The following SPOCK3 variants were observed in gnomAD, a reference collection of about 807,000 sequenced individuals.
SPOCK3 encodes the protein SPARC (osteonectin), cwcv and kazal like domains proteoglycan 3, also known as testican-3.
SPOCK3 carries 30 observed loss-of-function variants against 56.6 expected under a neutral mutation model. The observed-to-expected ratio is 0.53, with a 90% CI of 0.40 to 0.72. SPOCK3 has a LOEUF of 0.72. SPOCK3 is among the 30% of genes least tolerant of loss of function. The pLI is 0.00. For synonymous variants in SPOCK3, 196 were observed against 183.3 expected, an observed-to-expected ratio of 1.07 and a Z score of -0.56; for missense variants, 527 against 530.0, an observed-to-expected ratio of 0.99 and a Z score of 0.06.
At chr4:166,868,459 C>A (rs1732104372) in intron 6 of SPOCK3, among the ~76,000 whole-genome samples, 1 of 152,078 alleles carries the variant, frequency 6.6e-6, no homozygotes, top group East Asian at 1.9e-4. Flanking sequence ...CAGTATGACC[C>A]TGTCTCTAAA....
At chr4:166,858,654 C>G (rs1013287283) in intron 6 of SPOCK3, among the ~76,000 whole-genome samples, 2 of 151,986 alleles carry the variant, frequency 1.3e-5, no homozygotes, top group African/African-American at 4.8e-5. Context: ...AAAATGTGAT[C>G]ATACATGTGG....
rs956424843 is a variant in SPOCK3, at chr4:166,748,216, T to C, written c.932-6157A>G. Among the ~76,000 whole-genome samples the C allele has an allele frequency of 1.4e-4, 19 of 136,906 alleles. 2 individuals are homozygous for C. The East Asian group carries it at 2.7e-3, about 20-fold the overall frequency. 89.8% of individuals were successfully genotyped at this position (136,906 alleles called of 152,430 possible). A position where few individuals can be genotyped will look rare whatever the true frequency, so the allele number is the denominator to read the frequency against. ...CAAAAGAACAAAGCTGGAGGCATCA[T>C]GCTACCTGACTTCAAACTATACTAC... On this transcript the variant is annotated intron_variant, in intron 8 of 10. Transcript: ENST00000357545.
intron 5 of SPOCK3, among the ~76,000 whole-genome samples, chr4:166,910,144 C>A (rs922622924): frequency 6.6e-6 from 1 of 152,096 alleles, no homozygotes; most frequent in Non-Finnish European, 1.5e-5. Context: ...AGCTCAGTCT[C>A]ATTGCTGTCA....
intron 10 of SPOCK3, among the ~76,000 whole-genome samples, chr4:166,736,731 C>T (rs1734254619): frequency 6.6e-6 from 1 of 151,168 alleles, no homozygotes; most frequent in South Asian, 2.1e-4. Flanking sequence ...GTGTGTGTGT[C>T]TACAATGAGG....
At chr4:167,124,393 C>G (rs962867077) in intron 2 of SPOCK3, among the ~76,000 whole-genome samples, 2 of 152,126 alleles carry the variant, frequency 1.3e-5, no homozygotes, top group African/African-American at 2.4e-5. Context: ...ATGTCTAAAA[C>G]CCCTCTTATT....
At chr4:167,057,349 C>T (rs1673399725) in intron 3 of SPOCK3, among the ~76,000 whole-genome samples, 1 of 152,126 alleles carries the variant, frequency 6.6e-6, no homozygotes, top group Admixed American at 6.5e-5. Context: ...ATTGTAAAGA[C>T]CATCGAGGCT....
rs577518769 is a variant in SPOCK3, at chr4:166,851,380, G to A, written c.589+37750C>T. On this transcript the variant is annotated intron_variant, in intron 6 of 10. Coordinates refer to ENST00000357545, the MANE Select transcript of SPOCK3 (RefSeq NM_001040159.2). ...ACAAAGATGGGGAAAAGATAGAGCA[G>A]AAAAACTGGAAACTCTAAAAAGCAG... Among the ~76,000 whole-genome samples, 468 of 152,302 alleles carry A rather than the reference G, an allele frequency of 3.1e-3. 3 individuals are homozygous for A. Among genetic ancestry groups the A allele is most frequent in the African/African-American group, 0.011 (446 of 41,576 alleles).
At chr4:166,914,490 G>A (rs1031808992) in intron 4 of SPOCK3, among the ~76,000 whole-genome samples, 17 of 152,198 alleles carry the variant, frequency 1.1e-4, no homozygotes, top group Admixed American at 7.9e-4. Context: ...TGAAGATTTG[G>A]CTGGGCACGT....
intron 6 of SPOCK3, among the ~76,000 whole-genome samples, chr4:166,846,397 T>C (rs1411436369): frequency 6.6e-6 from 1 of 152,118 alleles, no homozygotes; most frequent in Admixed American, 6.5e-5. Flanking sequence ...ATTTTAGATA[T>C]TGTAGATTAA....
At chr4:167,060,271 T>C (rs1260095348) in intron 3 of SPOCK3, among the ~76,000 whole-genome samples, 4 of 149,698 alleles carry the variant, frequency 2.7e-5, no homozygotes, top group Admixed American at 1.3e-4. Flanking sequence ...GTCATTATGT[T>C]AAGTAAAATA....
At chr4:167,093,518 C>T (rs958930155) in intron 2 of SPOCK3, among the ~76,000 whole-genome samples, 4 of 152,108 alleles carry the variant, frequency 2.6e-5, no homozygotes, top group Non-Finnish European at 4.4e-5. Context: ...GTTCAACTCC[C>T]ACTTATGAGT....
chr4:167,154,960 C>G (rs1580455937), intron 2 of SPOCK3, among the ~76,000 whole-genome samples: 1 of 152,072 alleles, frequency 6.6e-6, no homozygotes, highest in East Asian at 1.9e-4. Flanking sequence ...AAACAGTATT[C>G]AATTATCCTA....
chr4:166,792,384 C>T lies in SPOCK3; in HGVS notation c.590-95G>A, dbSNP rs78699746. 1.9e-3 allele frequency: 2,592 copies of T among 1,339,088 alleles called. 50 individuals are homozygous for T. The East Asian group carries it at 0.034, about 18-fold the overall frequency. 83.0% of individuals were successfully genotyped at this position (1,339,088 alleles called of 1,614,324 possible). On this transcript the variant is annotated intron_variant, in intron 6 of 10. Transcript: ENST00000357545. Reference sequence around the variant, plus strand: ...AGTCCAATAAACTGAAAGGTAAGAACGACTAAAAGAAAAAGGTGTGACTGC... The same window carrying T: ...AGTCCAATAAACTGAAAGGTAAGAATGACTAAAAGAAAAAGGTGTGACTGC...
At chr4:166,794,391 A>G (rs919139881) in intron 6 of SPOCK3, among the ~76,000 whole-genome samples, 2 of 152,000 alleles carry the variant, frequency 1.3e-5, no homozygotes, top group Non-Finnish European at 2.9e-5. Flanking sequence ...TACTTGTGTA[A>G]GCGTCACATA....
At chr4:166,746,951 G>A (rs1022201522) in intron 8 of SPOCK3, among the ~76,000 whole-genome samples, 3 of 152,110 alleles carry the variant, frequency 2.0e-5, no homozygotes, top group Non-Finnish European at 4.4e-5. Context: ...TTGAATCCCT[G>A]AATAGACCAA....
intron 2 of SPOCK3, among the ~76,000 whole-genome samples, chr4:167,101,447 C>T (rs1170629124): frequency 6.6e-6 from 1 of 152,056 alleles, no homozygotes; most frequent in Non-Finnish European, 1.5e-5. Flanking sequence ...ACTTTCAGTC[C>T]TGGCCTCTCA....
At chr4:167,000,499 T>C (rs1247425596) in intron 3 of SPOCK3, 36 bp from the exon 4 acceptor site, 3 of 1,047,826 alleles carry the variant, frequency 2.9e-6, no homozygotes, top group East Asian at 4.9e-5. Flanking sequence ...AAAATAAGCT[T>C]CTGTAAAATG....
intron 4 of SPOCK3, among the ~76,000 whole-genome samples, chr4:166,951,371 G>A (rs1742596601): frequency 7.2e-6 from 1 of 138,182 alleles, no homozygotes; most frequent in African/African-American, 3.0e-5. Flanking sequence ...ACTCTCCCAA[G>A]ACTAAACCAG....
chr4:167,027,825 G>A (rs1469947129), intron 3 of SPOCK3, among the ~76,000 whole-genome samples: 1 of 151,942 alleles, frequency 6.6e-6, no homozygotes, highest in Non-Finnish European at 1.5e-5. Flanking sequence ...GAGGAGGAAG[G>A]GGGTCTTGCT....
Sources: gnomAD v4.1 joint callset for allele counts (sites outside exome capture counted in the v4.1 genomes callset) on GRCh38, gnomAD v4.1.1 for gene constraint, MANE v1.5 for transcripts, NCBI Gene and HGNC (gene_info 2026-07-23, HGNC 2026-07-21) for gene names.